AGAP1: variants seen among roughly 807,000 people sequenced by gnomAD.
AGAP1 encodes ArfGAP with GTPase domain, ankyrin repeat and PH domain 1.
In AGAP1, 29 loss-of-function variants were observed where a neutral mutation model predicts 105.3. The observed-to-expected ratio is 0.28, with a 90% CI of 0.21 to 0.38. The LOEUF (loss-of-function observed/expected upper bound fraction) is 0.38, where lower values mean the gene tolerates loss of function less well. AGAP1 is among the 10% of genes least tolerant of loss of function. The pLI, the probability that AGAP1 is intolerant of heterozygous loss-of-function variation, is 1.00. For missense variants in AGAP1, 998 were observed against 1,165.1 expected (o/e 0.86, Z 2.09); for synonymous variants, 509 against 485.9 (o/e 1.05, Z -0.63).
chr2:235,576,639 G>A (rs1944742722), intron 1 of AGAP1, among the ~76,000 whole-genome samples: 2 of 152,324 alleles, frequency 1.3e-5, no homozygotes, highest in South Asian at 4.1e-4. Flanking sequence ...GCCGTTGAGG[G>A]CAGGTTCGAG....
intron 9 of AGAP1, among the ~76,000 whole-genome samples, chr2:235,859,390 A>ACCCCCCCCCCCCCCCCCCC (rs1464279454): frequency 4.7e-5 from 1 of 21,386 alleles, no homozygotes. Flanking sequence ...TCCCCCCACA[A>ACCCCCCCCCCCCCCCCCCC]CCTCCCCCCC....
In AGAP1 at chr2:235,717,356, T is replaced by C. The variant is rs151292191; in HGVS notation, c.223-201T>C. On this transcript the variant is annotated intron_variant, in intron 2 of 17. Transcript: ENST00000304032. ...ATGCCGTTGCAGCTGTTGAGGCTGA[T>C]GAGAACGTGAGATGTTAATTAAGAG... 8.9e-3 allele frequency among the ~76,000 whole-genome samples: 1,356 copies of C among 152,350 alleles called. 29 individuals carry two copies. The highest frequency in any genetic ancestry group is 0.031 in the African/African-American group (1,293 of 41,574).
chr2:235,495,580 G>T (rs1157427936), intron 1 of AGAP1, among the ~76,000 whole-genome samples: 1 of 152,184 alleles, frequency 6.6e-6, no homozygotes. Context: ...TTTTAAGAGG[G>T]GCAGGATGCT....
At chr2:235,987,353 T>G (rs912999445) in intron 13 of AGAP1, among the ~76,000 whole-genome samples, 2 of 152,086 alleles carry the variant, frequency 1.3e-5, no homozygotes, top group Non-Finnish European at 2.9e-5. Context: ...GATATCCCTT[T>G]TATCATTTTT....
At chr2:235,796,435 TGAA>T (rs1206385900) in intron 6 of AGAP1, among the ~76,000 whole-genome samples, 2 of 152,188 alleles carry the variant, frequency 1.3e-5, no homozygotes, top group African/African-American at 2.4e-5. Flanking sequence ...GATTAGCTGA[TGAA>T]GGTTATGTGA....
intron 11 of AGAP1, among the ~76,000 whole-genome samples, chr2:235,912,055 T>G (rs6754465): frequency 0.78 from 118,514 of 152,212 alleles, 46,232 homozygotes; most frequent in East Asian, 0.98. Context: ...GCTCCCTGTT[T>G]ATTGCTCAGC....
chr2:235,767,307 T>C (rs1006543351), intron 6 of AGAP1, among the ~76,000 whole-genome samples: 8 of 152,348 alleles, frequency 5.3e-5, no homozygotes, highest in African/African-American at 1.7e-4. Context: ...GCTTGAGTGA[T>C]TGGCCAGGCA....
rs1559252230 is a variant in AGAP1 at position 236,077,139 on chromosome 2, A to AT, written c.2114+27858_2114+27859insT. Among the ~76,000 whole-genome samples the AT allele has an allele frequency of 5.7e-3, 744 of 131,504 alleles. 2 individuals carry two copies. Among genetic ancestry groups the AT allele is most frequent in the African/African-American group, 0.017 (584 of 34,086 alleles). 86.3% of individuals were successfully genotyped at this position (131,504 alleles called of 152,430 possible). On this transcript the variant is annotated intron_variant, in intron 16 of 17. Coordinates refer to ENST00000304032, the MANE Select transcript of AGAP1 (RefSeq NM_001037131.3). ...AAAAAAAGAGTAGAAAAAAAAAAAA[A>AT]AAAATATATATATATATATATTCAT...
intron 3 of AGAP1, among the ~76,000 whole-genome samples, chr2:235,738,304 G>A (rs1046435385): frequency 1.3e-5 from 2 of 152,044 alleles, no homozygotes; most frequent in African/African-American, 4.8e-5. Context: ...CCCAAGCAGG[G>A]TTCTAAGAGC....
chr2:235,616,624 A>G (rs1946315244), intron 1 of AGAP1, among the ~76,000 whole-genome samples: 2 of 152,176 alleles, frequency 1.3e-5, no homozygotes, highest in Non-Finnish European at 2.9e-5. Flanking sequence ...AATAAAACAC[A>G]TTTGTGGGTA....
At chr2:235,669,412 C>T (rs572987150) in intron 1 of AGAP1, among the ~76,000 whole-genome samples, 2 of 152,018 alleles carry the variant, frequency 1.3e-5, no homozygotes, top group Non-Finnish European at 2.9e-5. Flanking sequence ...TTTTAGGGTG[C>T]AGGCTGGTGC....
chr2:235,626,224 G>A (rs1295451430), intron 1 of AGAP1, among the ~76,000 whole-genome samples: 1 of 152,176 alleles, frequency 6.6e-6, no homozygotes, highest in East Asian at 1.9e-4. Flanking sequence ...CGGTTATGGT[G>A]GTGCATACCT....
intron 16 of AGAP1, among the ~76,000 whole-genome samples, chr2:236,093,646 G>C (rs2059119987): frequency 6.6e-6 from 1 of 152,180 alleles, no homozygotes; most frequent in Non-Finnish European, 1.5e-5. Flanking sequence ...GATTGGGAGA[G>C]AAATTCAGCC....
rs758492492 is a variant in AGAP1 at position 235,593,239 on chromosome 2, G to C, written c.163+98390G>C. Reference sequence around the variant, plus strand: ...TCAAGGAGATTCTGTCTTGCAGCACGTGGGTAACAAGTGGATTGGGTAAAT... The same window carrying C: ...TCAAGGAGATTCTGTCTTGCAGCACCTGGGTAACAAGTGGATTGGGTAAAT... On this transcript the variant is annotated intron_variant, in intron 1 of 17. Transcript: ENST00000304032. Among the ~76,000 whole-genome samples the C allele has an allele frequency of 4.5e-4, 69 of 152,306 alleles. 2 individuals are homozygous for C. The highest frequency in any genetic ancestry group is 8.5e-4 in the Admixed American group (13 of 15,298).
At position 236,109,621 on chromosome 2, in the gene AGAP1, G is replaced by A. The variant is rs1468213763; in HGVS notation, c.2115-10571G>A. 6.6e-6 allele frequency among the ~76,000 whole-genome samples: 1 copy of A among 152,168 alleles called. No homozygotes were observed. Among genetic ancestry groups the A allele is most frequent in the African/African-American group, 2.4e-5 (1 of 41,448 alleles). ...AATGTCCTAGTCGGCAGCAGTGTCGGTGTTCTAGACCGGCAGCCGTGGGAA... is the reference window on the plus strand; with the variant it reads ...AATGTCCTAGTCGGCAGCAGTGTCGATGTTCTAGACCGGCAGCCGTGGGAA... On this transcript the variant is annotated intron_variant, in intron 16 of 17. Transcript: ENST00000304032. The surrounding 1 kb of genome is among the most constrained non-coding windows in gnomAD (Gnocchi z 5.4).
chr2:235,841,394 C>G (rs1029057501), intron 9 of AGAP1, among the ~76,000 whole-genome samples: 5 of 152,136 alleles, frequency 3.3e-5, no homozygotes, highest in Non-Finnish European at 7.4e-5. Context: ...TGTAGGAGGC[C>G]AAGGCGAGTG....
rs1957405194 is a variant in AGAP1 at position 235,799,795 on chromosome 2, C to T, written c.957+273C>T. Among the ~76,000 whole-genome samples the T allele has an allele frequency of 6.6e-6, 1 of 152,110 alleles. No homozygotes were observed. ...TAAAGGCACTTGTTATCCTGTGGCT[C>T]CAGCTAAAGATGTGTCACAGTGGAT... On this transcript the variant is annotated intron_variant, in intron 8 of 17. Transcript: ENST00000304032. This position sits in a 1 kb window ranked among gnomAD's most constrained non-coding sequence, Gnocchi z 5.0.
intron 13 of AGAP1, among the ~76,000 whole-genome samples, chr2:236,011,541 A>G (rs2056513576): frequency 6.6e-6 from 1 of 152,242 alleles, no homozygotes; most frequent in Non-Finnish European, 1.5e-5. Context: ...GCAGCAAGCA[A>G]AATAGCAGAA....
intron 6 of AGAP1, among the ~76,000 whole-genome samples, chr2:235,797,134 A>G (rs776527419): frequency 1.1e-4 from 16 of 151,660 alleles, no homozygotes; most frequent in Admixed American, 4.6e-4. Flanking sequence ...GCTTTGGGGG[A>G]AAAAAAAAGA....
Sources: gnomAD v4.1 joint callset for allele counts (sites outside exome capture counted in the v4.1 genomes callset) on GRCh38, gnomAD v4.1.1 for gene constraint, Gnocchi (gnomAD v3.1) non-coding constraint, MANE v1.5 for transcripts, NCBI Gene and HGNC (gene_info 2026-07-23, HGNC 2026-07-21) for gene names.